The following GPC4 variants were observed in gnomAD, a reference collection of about 807,000 sequenced individuals.
The protein encoded by GPC4 is glypican 4.
GPC4 carries 10 observed loss-of-function variants against 35.0 expected under a neutral mutation model. The ratio of observed to expected loss-of-function variants is 0.29; its 90% CI spans 0.18 to 0.48. The LOEUF (loss-of-function observed/expected upper bound fraction) is 0.48. GPC4 is among the 20% of genes least tolerant of loss of function. GPC4 has a pLI of 0.99. For synonymous variants in GPC4, 167 were observed against 170.2 expected, an observed-to-expected ratio of 0.98 and a Z score of 0.15; for missense variants, 322 against 451.3, an observed-to-expected ratio of 0.71 and a Z score of 2.60.
At chrX:133,390,597 A>G (rs905427115) in intron 1 of GPC4, among the ~76,000 whole-genome samples, 1 of 112,235 alleles carries the variant, frequency 8.9e-6, no homozygotes, top group Admixed American at 9.5e-5. Context: ...GAAGGAGACA[A>G]AAACCATTCA....
At position 133,324,301 on chromosome X, in the gene GPC4, C is replaced by T. The variant is rs147658063; in HGVS notation, c.555G>A (p.Glu185=). ...LVNSQYHFTD[E]YLECVSKYTE... ...TATACTTGCTCACACATTCCAGATA[C>T]TCATCTGTAAAGTGGTACTGGGAGT... The change falls in exon 3 of 9, where the codon GAG becomes GAA. Residue 185 remains glutamate (E), a synonymous_variant. Coordinates refer to ENST00000370828, the MANE Select transcript of GPC4 (RefSeq NM_001448.3). The T allele has an allele frequency of 1.4e-4, 167 of 1,209,771 alleles. No individual in the cohort carries two copies. In the African/African-American group the frequency reaches 2.6e-3, roughly 19 times the overall value.
At chrX:133,361,388 GAAGAA>G (rs1443948771) in intron 1 of GPC4, among the ~76,000 whole-genome samples, 2 of 111,841 alleles carry the variant, frequency 1.8e-5, no homozygotes, top group Non-Finnish European at 3.8e-5. Context: ...AGAAGATATA[GAAGAA>G]AAGAGCTAAG....
At chrX:133,343,118 C>A (rs2068474111) in intron 1 of GPC4, among the ~76,000 whole-genome samples, 1 of 111,737 alleles carries the variant, frequency 8.9e-6, no homozygotes, top group Non-Finnish European at 1.9e-5. Context: ...GACACTTGCA[C>A]TTTTTAACAA....
intron 1 of GPC4, among the ~76,000 whole-genome samples, chrX:133,365,953 G>A (rs1366235784): frequency 1.8e-5 from 2 of 112,284 alleles, no homozygotes; most frequent in African/African-American, 3.2e-5. Flanking sequence ...AGTAAGAACA[G>A]AAATGGCAGA....
chrX:133,359,025 G>C (rs1478437395), intron 1 of GPC4, among the ~76,000 whole-genome samples: 11 of 111,427 alleles, frequency 9.9e-5, no homozygotes, highest in East Asian at 2.8e-4. Flanking sequence ...AGGGATGGAG[G>C]GGGGAAGGGA....
chrX:133,405,281 G>A (rs944664066), intron 1 of GPC4, among the ~76,000 whole-genome samples: 2 of 110,132 alleles, frequency 1.8e-5, no homozygotes, highest in Non-Finnish European at 3.8e-5. Context: ...GCTAATTTTG[G>A]CATTTTTAGT....
intron 1 of GPC4, among the ~76,000 whole-genome samples, chrX:133,364,678 A>G (rs1353573883): frequency 8.9e-6 from 1 of 112,331 alleles, no homozygotes; most frequent in Non-Finnish European, 1.9e-5. Flanking sequence ...GAATCAGATA[A>G]CCTTCTGTTT....
At chrX:133,414,690 C>A in intron 1 of GPC4, 116 bp downstream of exon 1, 1 of 1,156,708 alleles carries the variant, frequency 8.6e-7, no homozygotes. Context: ...CTGCCCATTT[C>A]TCCCTCTAGT....
chrX:133,347,475 T>C (rs6638078), intron 1 of GPC4, among the ~76,000 whole-genome samples: 219 of 110,066 alleles, frequency 2.0e-3, no homozygotes, highest in African/African-American at 7.0e-3. Flanking sequence ...TAATTTTTAT[T>C]GTTCTAAACG....
chrX:133,402,281 G>GA (rs888789856), intron 1 of GPC4, among the ~76,000 whole-genome samples: 7 of 110,117 alleles, frequency 6.4e-5, no homozygotes, highest in African/African-American at 1.6e-4. Flanking sequence ...ATAACTGAAG[G>GA]AAAAAAAAAT....
chrX:133,377,366 C>A (rs771823748), intron 1 of GPC4, among the ~76,000 whole-genome samples: 3 of 111,508 alleles, frequency 2.7e-5, no homozygotes, highest in Non-Finnish European at 5.6e-5. Flanking sequence ...TAAGTGTACC[C>A]AACACCCACT....
intron 1 of GPC4, among the ~76,000 whole-genome samples, chrX:133,395,482 G>A (rs770691726): frequency 8.1e-5 from 9 of 110,872 alleles, no homozygotes; most frequent in African/African-American, 2.6e-4. Flanking sequence ...AAATTAGCCA[G>A]GTATGGTGGT....
intron 4 of GPC4, among the ~76,000 whole-genome samples, chrX:133,307,383 C>A (rs1232570194): frequency 8.9e-6 from 1 of 112,311 alleles, no homozygotes; most frequent in Non-Finnish European, 1.9e-5. Context: ...AAATGCTACA[C>A]AACATTTTAA....
chrX:133,397,300 C>T (rs1054623617), intron 1 of GPC4, among the ~76,000 whole-genome samples: 1 of 111,959 alleles, frequency 8.9e-6, no homozygotes, highest in South Asian at 3.7e-4. Context: ...TGGCACACGC[C>T]TCTAGTCCCA....
intron 2 of GPC4, among the ~76,000 whole-genome samples, chrX:133,331,134 G>C (rs1415732687): frequency 9.0e-6 from 1 of 111,611 alleles, no homozygotes; most frequent in Non-Finnish European, 1.9e-5. Flanking sequence ...GAATGCTAAG[G>C]CTCCAAGGGA....
chrX:133,392,375 T>G (rs1342364850), intron 1 of GPC4, among the ~76,000 whole-genome samples: 1 of 105,088 alleles, frequency 9.5e-6, no homozygotes, highest in East Asian at 2.9e-4. Flanking sequence ...TACTGGGAGA[T>G]ATCCCTGAAC....
intron 1 of GPC4, among the ~76,000 whole-genome samples, chrX:133,344,319 G>A (rs1316952590): frequency 9.3e-5 from 9 of 96,895 alleles, no homozygotes; most frequent in African/African-American, 3.0e-4. Flanking sequence ...TCTGCCTCCC[G>A]GGTTCAAGCA....
chrX:133,345,653 G>A (rs1302949908), intron 1 of GPC4, among the ~76,000 whole-genome samples: 1 of 111,902 alleles, frequency 8.9e-6, no homozygotes, highest in African/African-American at 3.2e-5. Flanking sequence ...CCTCACTTCC[G>A]TTTCCTGTAC....
At chrX:133,380,834 G>A (rs774887053) in intron 1 of GPC4, among the ~76,000 whole-genome samples, 1 of 111,811 alleles carries the variant, frequency 8.9e-6, no homozygotes, top group Admixed American at 9.5e-5. Context: ...CAATGCCAGA[G>A]ATTAGAAAGA....
Sources: gnomAD v4.1 joint callset for allele counts (sites outside exome capture counted in the v4.1 genomes callset) on GRCh38, gnomAD v4.1.1 for gene constraint, MANE v1.5 for transcripts, NCBI Gene and HGNC (gene_info 2026-07-23, HGNC 2026-07-21) for gene names.